The following BPI variants were observed in gnomAD, a reference collection of about 807,000 sequenced individuals.
The protein encoded by BPI is bactericidal permeability increasing protein, also known as bactericidal permeability-increasing protein.
In BPI, 48 loss-of-function variants were observed where a neutral mutation model predicts 57.6. That is an observed-to-expected ratio of 0.83 (90% CI 0.66 to 1.06). BPI has a LOEUF of 1.06. Ranked by LOEUF, BPI falls within the 50% of genes least tolerant of loss-of-function variation. The pLI is 0.00. For missense variants in BPI, 651 were observed against 609.7 expected (o/e 1.07, Z -0.71); for synonymous variants, 237 against 238.2 (o/e 0.99, Z 0.05).
chr20:38,310,394 G>T, intron 3 of BPI, 97 bp from the exon 4 acceptor site: 2 of 1,416,344 alleles, frequency 1.4e-6, no homozygotes, highest in East Asian at 2.3e-5. Context: ...ACCTGGAGTG[G>T]GGATAATAAC....
At chr20:38,316,509 G>A (rs1283788522) in intron 5 of BPI, among the ~76,000 whole-genome samples, 1 of 152,236 alleles carries the variant, frequency 6.6e-6, no homozygotes, top group Non-Finnish European at 1.5e-5. Flanking sequence ...CAGTGGAGGT[G>A]ACTCCGCCTG....
chr20:38,323,061 T>A (rs920410408), intron 7 of BPI, among the ~76,000 whole-genome samples: 1 of 152,228 alleles, frequency 6.6e-6, no homozygotes, highest in African/African-American at 2.4e-5. Flanking sequence ...TTTTGTCATA[T>A]TTCCTTCTGA....
chr20:38,335,543 T>A, intron 13 of BPI, 55 bp from the exon 14 acceptor site: 2 of 1,532,634 alleles, frequency 1.3e-6, no homozygotes, highest in Non-Finnish European at 1.8e-6. Context: ...CCCTCCCTCC[T>A]CCCCTGCCCT....
chr20:38,323,740 A>T, intron 7 of BPI, 130 bp from the exon 8 acceptor site: 2 of 1,008,742 alleles, frequency 2.0e-6, no homozygotes, highest in Non-Finnish European at 2.9e-6. Context: ...TGCTACTGTT[A>T]GTTTCTGGTC....
At chr20:38,329,721 T>C (rs1442819195) in intron 11 of BPI, among the ~76,000 whole-genome samples, 3 of 152,152 alleles carry the variant, frequency 2.0e-5, no homozygotes, top group Admixed American at 2.0e-4. Flanking sequence ...TTATTTTATT[T>C]ATTTTTTTTT....
At chr20:38,335,546 C>T (rs2076763153) in intron 13 of BPI, 52 bp from the exon 14 acceptor site, 1 of 1,545,592 alleles carries the variant, frequency 6.5e-7, no homozygotes, top group East Asian at 2.2e-5. Flanking sequence ...TCCCTCCTCC[C>T]CTGCCCTTCT....
rs2076733173 is a variant in BPI, at chr20:38,329,757, G to A, written c.1230-1291G>A. 3.9e-5 allele frequency among the ~76,000 whole-genome samples: 6 copies of A among 152,144 alleles called. No individual in the cohort carries two copies. The South Asian group carries it at 1.2e-3, about 32-fold the overall frequency. ...AGACAGAGTTTTGCTCTGTCACCCA[G>A]GCTGGTGTGCAGTGGCATGATCTCA... is the stretch of plus-strand genomic sequence containing the variant. On this transcript the variant is annotated intron_variant, in intron 11 of 14. Transcript: ENST00000642449.
At chr20:38,334,066 T>C (rs2864141) in intron 12 of BPI, among the ~76,000 whole-genome samples, 2,271 of 152,276 alleles carry the variant, frequency 0.015, 51 homozygotes, top group African/African-American at 0.051. Context: ...GAGGTTGATT[T>C]GATTTGCCCT....
chr20:38,311,182 C>A (rs1263043301), intron 4 of BPI, among the ~76,000 whole-genome samples: 2 of 152,200 alleles, frequency 1.3e-5, no homozygotes, highest in African/African-American at 2.4e-5. Flanking sequence ...GGGAGAAAAC[C>A]AAGGCATGGA....
intron 11 of BPI, among the ~76,000 whole-genome samples, chr20:38,329,386 T>C (rs1367355598): frequency 6.6e-6 from 1 of 152,192 alleles, no homozygotes; most frequent in Non-Finnish European, 1.5e-5. Context: ...TTCTTCACCT[T>C]GAGACGAGCC....
intron 2 of BPI, 138 bp from the exon 3 acceptor site, chr20:38,308,792 G>C (rs1259449268): frequency 8.3e-7 from 1 of 1,205,108 alleles, no homozygotes; most frequent in African/African-American, 1.5e-5. Context: ...TGCTTTCTTA[G>C]CTTTGGGCTC....
At chr20:38,318,668 G>A (rs2076665722) in intron 6 of BPI, among the ~76,000 whole-genome samples, 192 bp downstream of exon 6, 1 of 151,616 alleles carries the variant, frequency 6.6e-6, no homozygotes, top group Non-Finnish European at 1.5e-5. Context: ...CCAGAAGTGA[G>A]GAGGACAAAC....
At chr20:38,335,397 G>A (rs2076762505) in intron 13 of BPI, 1 of 599,684 alleles carries the variant, frequency 1.7e-6, no homozygotes, top group South Asian at 2.0e-5. Context: ...GCTAGAAGTG[G>A]ACTTGGGGTT....
intron 3 of BPI, among the ~76,000 whole-genome samples, chr20:38,309,899 G>A (rs780775616): frequency 2.6e-5 from 4 of 152,052 alleles, no homozygotes; most frequent in African/African-American, 9.7e-5. Flanking sequence ...GAGTCTGCCC[G>A]CCCTTACAAG....
intron 5 of BPI, 48 bp downstream of exon 5, chr20:38,311,985 T>G: frequency 1.9e-6 from 3 of 1,556,082 alleles, no homozygotes; most frequent in Non-Finnish European, 2.7e-6. Flanking sequence ...GAAGGGCCCT[T>G]AGTAACCACA....
At chr20:38,306,606 C>T (rs764974136) in intron 1 of BPI, among the ~76,000 whole-genome samples, 4 of 152,140 alleles carry the variant, frequency 2.6e-5, no homozygotes, top group Non-Finnish European at 5.9e-5. Context: ...AATGAGCTGA[C>T]TAGAAGCTGA....
chr20:38,309,085 G>A (rs1260507750), intron 3 of BPI, 27 bp downstream of exon 3: 10 of 1,613,508 alleles, frequency 6.2e-6, no homozygotes, highest in East Asian at 2.2e-5. Flanking sequence ...GCGGTTTGTT[G>A]GGTGTGCTCT....
intron 5 of BPI, chr20:38,317,707 A>T: frequency 1.0e-6 from 1 of 986,614 alleles, no homozygotes; most frequent in Non-Finnish European, 1.6e-6. Context: ...TGGCAAAGCC[A>T]CATTACAGAA....
chr20:38,307,648 A>G lies in BPI; in HGVS notation c.212A>G (p.Lys71Arg). ...GACTACTCAGACAGCTTTAAGATCA[A>G]GCATCTTGGGAAGGGGCATTATAGC... ...IPDYSDSFKIKHLGKGHYSFY... is the reference protein window; with the variant it reads ...IPDYSDSFKIRHLGKGHYSFY... The change falls in exon 2 of 15, where the codon AAG becomes AGG. Residue 71 changes from lysine to arginine, a missense_variant. Physicochemically the swap from Lys to Arg is conservative, Grantham distance 26. Coordinates refer to ENST00000642449, the MANE Select transcript of BPI (RefSeq NM_001725.3). 3 of 1,612,038 alleles carry G rather than the reference A, an allele frequency of 1.9e-6. No homozygotes were observed. The highest frequency in any genetic ancestry group is 2.5e-6 in the Non-Finnish European group (3 of 1,179,182).
Sources: allele counts gnomAD v4.1 joint callset (sites outside exome capture counted in the v4.1 genomes callset), GRCh38; gene constraint gnomAD v4.1.1; transcripts MANE v1.5; gene names NCBI Gene and HGNC (gene_info 2026-07-23, HGNC 2026-07-21).